CLDN10: variants seen among roughly 807,000 people sequenced by gnomAD.
CLDN10 encodes the protein claudin 10, also known as claudin-10.
CLDN10 carries 15 observed loss-of-function variants against 22.9 expected under a neutral mutation model. That is an observed-to-expected ratio of 0.65 (90% CI 0.44 to 1.01). The LOEUF (loss-of-function observed/expected upper bound fraction) is 1.01, where lower values mean the gene tolerates loss of function less well. Among genes scored for constraint, CLDN10 ranks in the 50% least tolerant of loss-of-function variants. The probability of loss-of-function intolerance (pLI) is 0.00; values close to 1 mark genes in which losing one functional copy is unlikely to be tolerated. For synonymous variants in CLDN10, 114 were observed against 111.4 expected, an observed-to-expected ratio of 1.02 and a Z score of -0.15; for missense variants, 247 against 287.8, an observed-to-expected ratio of 0.86 and a Z score of 1.03.
intron 1 of CLDN10, among the ~76,000 whole-genome samples, chr13:95,462,795 A>T (rs2042546620): frequency 6.6e-6 from 1 of 152,230 alleles, no homozygotes; most frequent in Non-Finnish European, 1.5e-5. Context: ...AGGGAACTGG[A>T]AGCAACCAGA....
intron 1 of CLDN10, among the ~76,000 whole-genome samples, chr13:95,538,835 G>T (rs1242496337): frequency 1.3e-5 from 2 of 152,130 alleles, no homozygotes; most frequent in African/African-American, 4.8e-5. Flanking sequence ...CACAGAGAAG[G>T]CGATTTTTAA....
intron 3 of CLDN10, among the ~76,000 whole-genome samples, chr13:95,564,164 A>G (rs544442499): frequency 1.3e-5 from 2 of 152,360 alleles, no homozygotes; most frequent in East Asian, 3.9e-4. Context: ...ATCAGCTGGC[A>G]TAAGAATTAA....
intron 1 of CLDN10, among the ~76,000 whole-genome samples, chr13:95,539,581 A>G (rs1341489471): frequency 6.6e-6 from 1 of 152,244 alleles, no homozygotes; most frequent in Non-Finnish European, 1.5e-5. Context: ...AAGTTGTTGC[A>G]TTATTTAAGG....
intron 1 of CLDN10, among the ~76,000 whole-genome samples, chr13:95,477,113 G>T (rs190674998): frequency 3.0e-4 from 45 of 152,222 alleles, no homozygotes; most frequent in Admixed American, 1.4e-3. Flanking sequence ...GACTCTCACT[G>T]AAGAGAGAGT....
At chr13:95,551,747 T>C (rs1265962597), upstream of CLDN10, among the ~76,000 whole-genome samples, 1 of 152,212 alleles carries the variant, frequency 6.6e-6, no homozygotes, top group East Asian at 1.9e-4. Flanking sequence ...GTGTCCTTGT[T>C]CTCTCATTTA....
chr13:95,475,367 G>T (rs572828964), intron 1 of CLDN10, among the ~76,000 whole-genome samples: 1 of 152,194 alleles, frequency 6.6e-6, no homozygotes, highest in Non-Finnish European at 1.5e-5. Flanking sequence ...GCCTCCTGGG[G>T]ACCTGGGCAG....
chr13:95,562,805 A>G (rs2043732086), intron 3 of CLDN10, among the ~76,000 whole-genome samples: 1 of 152,186 alleles, frequency 6.6e-6, no homozygotes, highest in South Asian at 2.1e-4. Context: ...ATCTTTGTCT[A>G]TATCTTAAAA....
chr13:95,454,159 G>T, intron 1 of CLDN10, among the ~76,000 whole-genome samples: 1 of 151,942 alleles, frequency 6.6e-6, no homozygotes, highest in East Asian at 1.9e-4. Flanking sequence ...AGAAGGCCAG[G>T]CCAGGAAAGG....
At chr13:95,493,338 A>G (rs1360800458) in intron 1 of CLDN10, among the ~76,000 whole-genome samples, 1 of 151,756 alleles carries the variant, frequency 6.6e-6, no homozygotes, top group Non-Finnish European at 1.5e-5. Context: ...CATTTTAATC[A>G]TGTTTAAGTA....
intron 1 of CLDN10, among the ~76,000 whole-genome samples, chr13:95,527,332 T>C (rs917694414): frequency 6.6e-6 from 1 of 152,262 alleles, no homozygotes; most frequent in African/African-American, 2.4e-5. Flanking sequence ...ATTCATTTAC[T>C]GTCTTTTTAA....
At chr13:95,558,419 A>C (rs1566336657) in intron 1 of CLDN10, among the ~76,000 whole-genome samples, 1 of 152,318 alleles carries the variant, frequency 6.6e-6, no homozygotes, top group African/African-American at 2.4e-5. Context: ...GCTAAAAATA[A>C]GTTTGTTTTG....
chr13:95,574,182 T>G (rs965994199), intron 3 of CLDN10, among the ~76,000 whole-genome samples: 1 of 152,138 alleles, frequency 6.6e-6, no homozygotes. Context: ...AATAAACATA[T>G]GAACACATGT....
At chr13:95,575,140 T>C (rs1244029294) in intron 3 of CLDN10, among the ~76,000 whole-genome samples, 1 of 152,224 alleles carries the variant, frequency 6.6e-6, no homozygotes, top group East Asian at 1.9e-4. Flanking sequence ...TTTCAGGGCA[T>C]ATTTACACTA....
chr13:95,491,782 C>A (rs1011187463), intron 1 of CLDN10, among the ~76,000 whole-genome samples: 1 of 152,146 alleles, frequency 6.6e-6, no homozygotes, highest in African/African-American at 2.4e-5. Flanking sequence ...GGCTCCTTCT[C>A]ACTTGGATAG....
chr13:95,533,796 A>G (rs2043371749), intron 1 of CLDN10: 1 of 152,380 alleles, frequency 6.6e-6, no homozygotes, highest in Admixed American at 6.5e-5. Flanking sequence ...CATGCTCAGC[A>G]GTACCTTCAA....
In CLDN10 at chr13:95,436,563, G is replaced by A. The variant is rs73559301; in HGVS notation, c.214+2516G>A. Among the ~76,000 whole-genome samples the A allele has an allele frequency of 5.7e-3, 864 of 152,266 alleles. 4 individuals are homozygous for A. The highest frequency in any genetic ancestry group is 0.02 in the African/African-American group (841 of 41,550). ...TATCTCCTGTATACCCTGCACATAG[G>A]AGGTAATTTGAAAATCTCACCCACT... On this transcript the variant is annotated intron_variant, in intron 1 of 4. Transcript: ENST00000376873.
intron 1 of CLDN10, among the ~76,000 whole-genome samples, chr13:95,541,885 C>A (rs944224764): frequency 2.6e-5 from 4 of 152,200 alleles, no homozygotes; most frequent in Non-Finnish European, 4.4e-5. Flanking sequence ...TACCTCACAA[C>A]TATGTTAGTC....
At chr13:95,500,607 G>A (rs955620011) in intron 1 of CLDN10, among the ~76,000 whole-genome samples, 3 of 152,160 alleles carry the variant, frequency 2.0e-5, no homozygotes, top group African/African-American at 4.8e-5. Flanking sequence ...CTGGCAAGTG[G>A]AGGAAGGATG....
chr13:95,500,542 C>T lies in CLDN10; in HGVS notation c.215-59590C>T, dbSNP rs936338828. On this transcript the variant is annotated intron_variant, in intron 1 of 4. Coordinates refer to the CLDN10 transcript ENST00000376873. The stretch of plus-strand genomic sequence containing the variant: ...AGGCCAGTTTATGCACAGCTTGTAG[C>T]TGAGTACAGAAGGATGTTTCAGGAA... Among the ~76,000 whole-genome samples the T allele has an allele frequency of 2.6e-5, 4 of 152,168 alleles. No homozygotes were observed. In the East Asian group the frequency reaches 7.8e-4, roughly 30 times the overall value.
Sources: gnomAD v4.1 joint callset for allele counts (sites outside exome capture counted in the v4.1 genomes callset) on GRCh38, gnomAD v4.1.1 for gene constraint, MANE v1.5 for transcripts, NCBI Gene and HGNC (gene_info 2026-07-23, HGNC 2026-07-21) for gene names.